The following USP51 variants were observed in gnomAD, a reference collection of about 807,000 sequenced individuals.
USP51 encodes the protein ubiquitin specific peptidase 51.
USP51 carries 5 observed loss-of-function variants against 17.6 expected under a neutral mutation model. The observed-to-expected ratio is 0.28, with a 90% CI of 0.15 to 0.60. The LOEUF is 0.60. USP51 is among the 20% of genes least tolerant of loss of function. USP51 has a pLI of 0.88. For synonymous variants in USP51, 248 were observed against 216.1 expected (o/e 1.15, Z -1.29); for missense variants, 459 against 559.5 (o/e 0.82, Z 1.81).
rs1390601884 is a variant in USP51, at chrX:55,488,566, G to A, written c.374C>T (p.Pro125Leu). The A allele has an allele frequency of 2.9e-6, 3 of 1,022,071 alleles. No homozygotes were observed. Among genetic ancestry groups the A allele is most frequent in the Admixed American group, 1.1e-4 (2 of 18,989 alleles). The allele number at this position is 1,022,071 out of a possible 1,213,427, so 84.2% of individuals were successfully genotyped here. ...CGGGGGCGGGGGCCGGGCTGGAGGC[G>A]GGGGTGGGGCCGAGAGCCCAGGCTG... ...RSQPGLSAPP[P>L]PPARPPPPPP... The change falls in exon 3 of 3, where the codon CCG (proline) becomes CTG (leucine). Residue 125 changes from proline (P) to leucine (L), a missense_variant. By Grantham distance (98) the Pro-to-Leu change is moderately conservative. This residue lies in a region of USP51 where 232 missense variants were observed against 194.0 expected (regional missense o/e 1.20). Coordinates refer to ENST00000500968, the MANE Select transcript of USP51 (RefSeq NM_201286.4).
rs763621745 is a variant in USP51, at chrX:55,488,041, A to G, written c.899T>C (p.Ile300Thr). The G allele has an allele frequency of 9.9e-6, 12 of 1,206,531 alleles. No individual in the cohort carries two copies. Among genetic ancestry groups the G allele is most frequent in the African/African-American group, 1.8e-5 (1 of 56,985 alleles). Reference protein sequence around the residue: ...DYVYDKDIEQIAKETKEKILR... With the variant: ...DYVYDKDIEQTAKETKEKILR... ...AATTTTTTCTTTTGTTTCTTTGGCA[A>G]TCTGTTCTATGTCTTTGTCATATAC... Residue 300 changes from isoleucine to threonine, a missense_variant, in exon 3 of 3, where the codon ATT becomes ACT. By Grantham distance (89) the Ile-to-Thr change is moderately conservative (BLOSUM62 -1). Transcript: ENST00000500968.
rs2031389683 is a variant in USP51, at chrX:55,489,353, CTTT to C, written c.-237_-235del. ...CTTTGGTGCAGCTTCCTCTGACGTTCTTTCCCTGTATCCTAAAAAACACTTGGG... is the reference window on the plus strand; with the variant it reads ...CTTTGGTGCAGCTTCCTCTGACGTTCCCCTGTATCCTAAAAAACACTTGGG... On this transcript the variant is annotated 5_prime_UTR_variant, in exon 2 of 3. Transcript: ENST00000500968. 8.8e-6 allele frequency among the ~76,000 whole-genome samples: 1 copy of C among 113,532 alleles called. No homozygotes were observed. The highest frequency in any genetic ancestry group is 3.2e-5 in the African/African-American group (1 of 31,284).
At position 55,486,290 on chromosome X, in the gene USP51, GTTT is replaced by G. The variant is rs937852778; in HGVS notation, c.*511_*513del. On this transcript the variant is annotated 3_prime_UTR_variant, in exon 3 of 3. Transcript: ENST00000500968. ...CTTAAATTTTTTTCAACATTTAAAA[GTTT>G]TTTTCTTTTAAAATCTTAAAAATGA... The G allele has an allele frequency of 2.7e-5, 3 of 110,438 alleles. No homozygotes were observed. Among genetic ancestry groups the G allele is most frequent in the African/African-American group, 6.6e-5 (2 of 30,517 alleles). The allele number at this position is 110,438 out of a possible 1,213,427, so 9.1% of individuals were successfully genotyped here. A position where few individuals can be genotyped will look rare whatever the true frequency, so the allele number is the denominator to read the frequency against.
Position 55,488,972 on chromosome X carries a change from C to A in USP51, c.-33G>T, listed in dbSNP as rs759699376. 1.5e-5 allele frequency: 18 copies of A among 1,182,302 alleles called. No individual in the cohort carries two copies. The highest frequency in any genetic ancestry group is 2.0e-5 in the Non-Finnish European group (18 of 880,798). ...CTCCCCGACCTGAGGAGCAAGGCGT[C>A]TGGAAAACAGCTGCGACTGTAGATG... On this transcript the variant is annotated 5_prime_UTR_variant, in exon 3 of 3. Coordinates refer to ENST00000500968, the MANE Select transcript of USP51 (RefSeq NM_201286.4).
In USP51 at chrX:55,488,773, A is replaced by C; in HGVS notation, c.167T>G (p.Met56Arg). 1 of 1,209,665 alleles carries C rather than the reference A, an allele frequency of 8.3e-7. No homozygotes were observed. Among genetic ancestry groups the C allele is most frequent in the African/African-American group, 1.7e-5 (1 of 57,817 alleles). The change falls in exon 3 of 3, where the codon ATG becomes AGG. Residue 56 changes from methionine (M) to arginine (R), a missense_variant. By Grantham distance (91) the Met-to-Arg change is moderately conservative. This residue lies in a region of USP51 where 232 missense variants were observed against 194.0 expected (regional missense o/e 1.20). Coordinates refer to ENST00000500968, the MANE Select transcript of USP51 (RefSeq NM_201286.4). ...KASSRREAEE[M>R]KLEPLQEREP... is the part of the protein sequence containing the mutation. Reference sequence around the variant, plus strand: ...ACGCTCTTGTAATGGCTCCAGCTTCATCTCCTCGGCTTCACGTCTCGAAGA... The same window carrying C: ...ACGCTCTTGTAATGGCTCCAGCTTCCTCTCCTCGGCTTCACGTCTCGAAGA...
At position 55,486,156 on chromosome X, in the gene USP51, T is replaced by C. The variant is rs1834597643; in HGVS notation, c.*648A>G. The C allele has an allele frequency of 9.0e-6, 1 of 111,515 alleles. No individual in the cohort carries two copies. The highest frequency in any genetic ancestry group is 3.2e-5 in the African/African-American group (1 of 30,951). The allele number at this position is 111,515 out of a possible 1,213,427, so 9.2% of individuals were successfully genotyped here. On this transcript the variant is annotated 3_prime_UTR_variant, in exon 3 of 3. Coordinates refer to ENST00000500968, the MANE Select transcript of USP51 (RefSeq NM_201286.4). ...TGTTCCTTAATTTATTTTACATTTT[T>C]AAACTTTAAGAATTTAATTTTCTTT...
chrX:55,489,294 C>T lies in USP51; in HGVS notation c.-175G>A, dbSNP rs1285471512. On this transcript the variant is annotated 5_prime_UTR_variant, in exon 2 of 3. Transcript: ENST00000500968. ...AAACTTCTTTAAAAAAGGCGCCACC[C>T]TCTGACTGCTTTTTTGCGCCCTGCG... The T allele has an allele frequency of 5.4e-6, 1 of 186,281 alleles. No homozygotes were observed. Among genetic ancestry groups the T allele is most frequent in the Non-Finnish European group, 1.0e-5 (1 of 100,335 alleles). 15.4% of individuals were successfully genotyped at this position (186,281 alleles called of 1,213,427 possible).
chrX:55,486,108 T>G lies in USP51; in HGVS notation c.*696A>C, dbSNP rs2031312528. 9.0e-6 allele frequency: 1 copy of G among 111,564 alleles called. No homozygotes were observed. The highest frequency in any genetic ancestry group is 3.2e-5 in the African/African-American group (1 of 30,962). 9.2% of individuals were successfully genotyped at this position (111,564 alleles called of 1,213,427 possible). On this transcript the variant is annotated 3_prime_UTR_variant, in exon 3 of 3. Transcript: ENST00000500968. The stretch of plus-strand genomic sequence containing the variant: ...TTTAACAGTATTTTCTTCCTTTTTT[T>G]GGTAAACTTTCATTTTTAACCTTGT...
At chrX:55,489,119 C>T in intron 2 of USP51, 50 bp downstream of exon 2, 1 of 606,604 alleles carries the variant, frequency 1.6e-6, no homozygotes, top group Non-Finnish European at 2.5e-6. Flanking sequence ...TCGGCTCCAC[C>T]CACTCAACTG....
In USP51 at chrX:55,485,201, T is replaced by A. The variant is rs1256722002; in HGVS notation, c.*1603A>T. The stretch of plus-strand genomic sequence containing the variant: ...TACCAAAGCCAGAGCTTCACAGCTG[T>A]GATCTAACTTCTCTAAGCCACCAAA... On this transcript the variant is annotated 3_prime_UTR_variant, in exon 3 of 3. Coordinates refer to ENST00000500968, the MANE Select transcript of USP51 (RefSeq NM_201286.4). The A allele has an allele frequency of 8.9e-6, 1 of 111,998 alleles. No homozygotes were observed. The highest frequency in any genetic ancestry group is 1.9e-5 in the Non-Finnish European group (1 of 53,192). 9.2% of individuals were successfully genotyped at this position (111,998 alleles called of 1,213,427 possible). A position where few individuals can be genotyped will look rare whatever the true frequency, so the allele number is the denominator to read the frequency against.
rs1212967659 is a variant in USP51, at chrX:55,488,094, G to A, written c.846C>T (p.Val282=). ...HHLAVDLYHG[V]IYCFMCKDYV... is the part of the protein sequence containing the mutation. ...AATCCTTACACATGAAGCAATATAT[G>A]ACCCCATGATAAAGGTCTACAGCTA... The change falls in exon 3 of 3, where the codon GTC becomes GTT. Residue 282 remains valine, a synonymous_variant. Transcript: ENST00000500968. 8.3e-7 allele frequency: 1 copy of A among 1,211,565 alleles called. No homozygotes were observed. The highest frequency in any genetic ancestry group is 1.1e-6 in the Non-Finnish European group (1 of 895,438).
At position 55,486,239 on chromosome X, in the gene USP51, TAAAATATTTCTTTTA is replaced by T. The variant is rs1311022814; in HGVS notation, c.*550_*564del. 8.9e-6 allele frequency: 1 copy of T among 112,300 alleles called. No individual in the cohort carries two copies. Among genetic ancestry groups the T allele is most frequent in the Non-Finnish European group, 1.9e-5 (1 of 53,180 alleles). The allele number at this position is 112,300 out of a possible 1,213,427, so 9.3% of individuals were successfully genotyped here. ...AAATTAAAAAATTATTTTTAACTTTTAAAATATTTCTTTTAAAAATAACAACTTAAATTTTTTTCA... is the reference window on the plus strand; with the variant it reads ...AAATTAAAAAATTATTTTTAACTTTTAAAATAACAACTTAAATTTTTTTCA... On this transcript the variant is annotated 3_prime_UTR_variant, in exon 3 of 3. Coordinates refer to ENST00000500968, the MANE Select transcript of USP51 (RefSeq NM_201286.4).
intron 1 of USP51, among the ~76,000 whole-genome samples, 43 bp downstream of exon 1, chrX:55,489,732 CG>C (rs2031397687): frequency 8.9e-6 from 1 of 112,175 alleles, no homozygotes; most frequent in Non-Finnish European, 1.9e-5. Context: ...CTCCTGCCCC[CG>C]CAACACCCCC....
Position 55,486,677 on chromosome X carries a change from T to A in USP51, c.*127A>T, listed in dbSNP as rs928047629. 3 of 956,366 alleles carry A rather than the reference T, an allele frequency of 3.1e-6. No individual in the cohort carries two copies. In the African/African-American group the frequency reaches 5.9e-5, roughly 19 times the overall value. The allele number at this position is 956,366 out of a possible 1,213,427, so 78.8% of individuals were successfully genotyped here. On this transcript the variant is annotated 3_prime_UTR_variant, in exon 3 of 3. Transcript: ENST00000500968. ...ACCCATGGGCCATGCTAAAATAGGT[T>A]CTTTATATCAAGATACTAGCTGTCA...
intron 2 of USP51, 28 bp from the exon 3 acceptor site, chrX:55,489,016 T>C (rs1221946188): frequency 1.6e-5 from 18 of 1,131,506 alleles, no homozygotes; most frequent in African/African-American, 7.2e-5. Context: ...CAGAGACTTC[T>C]GTGAATGATC....
Position 55,485,444 on chromosome X carries a change from GATA to G in USP51, c.*1357_*1359del, listed in dbSNP as rs1328764983. 1 of 107,489 alleles carries G rather than the reference GATA, an allele frequency of 9.3e-6. No individual in the cohort carries two copies. Among genetic ancestry groups the G allele is most frequent in the African/African-American group, 3.4e-5 (1 of 29,590 alleles). The allele number at this position is 107,489 out of a possible 1,213,427, so 8.9% of individuals were successfully genotyped here. ...CAGCCATTTCACAATTGGATGGTAA[GATA>G]ATGATTAAAATGTCTATTTCCTTTT... On this transcript the variant is annotated 3_prime_UTR_variant, in exon 3 of 3. Transcript: ENST00000500968.
chrX:55,486,779 T>G lies in USP51; in HGVS notation c.*25A>C. The G allele has an allele frequency of 1.7e-6, 2 of 1,157,276 alleles. No homozygotes were observed. Among genetic ancestry groups the G allele is most frequent in the Non-Finnish European group, 2.3e-6 (2 of 870,472 alleles). ...AAATCCTTGCCTAATCATTTACTTT[T>G]TTTTCAGTAAGTGGTCTGGTAAGAC... On this transcript the variant is annotated 3_prime_UTR_variant, in exon 3 of 3. Coordinates refer to ENST00000500968, the MANE Select transcript of USP51 (RefSeq NM_201286.4).
At position 55,486,793 on chromosome X, in the gene USP51, G is replaced by T. The variant is rs368900963; in HGVS notation, c.*11C>A. The T allele has an allele frequency of 1.7e-6, 2 of 1,163,199 alleles. No homozygotes were observed. Among genetic ancestry groups the T allele is most frequent in the South Asian group, 4.1e-5 (2 of 48,875 alleles). On this transcript the variant is annotated 3_prime_UTR_variant, in exon 3 of 3. Coordinates refer to ENST00000500968, the MANE Select transcript of USP51 (RefSeq NM_201286.4). The stretch of plus-strand genomic sequence containing the variant: ...TCATTTACTTTTTTTTCAGTAAGTG[G>T]TCTGGTAAGACTAGTCTTTCTCTAG...
Position 55,487,108 on chromosome X carries a change from G to A in USP51, c.1832C>T (p.Thr611Ile). 1 of 1,211,728 alleles carries A rather than the reference G, an allele frequency of 8.3e-7. No homozygotes were observed. The highest frequency in any genetic ancestry group is 1.1e-6 in the Non-Finnish European group (1 of 895,448). Residue 611 changes from threonine (T) to isoleucine (I), a missense_variant, in exon 3 of 3, where the codon ACC (threonine) becomes ATC (isoleucine). Coordinates refer to ENST00000500968, the MANE Select transcript of USP51 (RefSeq NM_201286.4). ...CAGCTCCAAGGGAAAGGAGATAAAGGTATTAATCTTTCGCCTCTGTTTGCC... is the reference window on the plus strand; with the variant it reads ...CAGCTCCAAGGGAAAGGAGATAAAGATATTAATCTTTCGCCTCTGTTTGCC... ...HVGKQRRKIN[T>I]FISFPLELDM...
Sources: allele counts gnomAD v4.1 joint callset (sites outside exome capture counted in the v4.1 genomes callset), GRCh38; gene constraint gnomAD v4.1.1; regional missense constraint gnomAD v4.1.1; transcripts MANE v1.5; gene names NCBI Gene and HGNC (gene_info 2026-07-23, HGNC 2026-07-21).